Variants in LAMA2 observed in about 807,000 individuals in gnomAD.
LAMA2 encodes laminin subunit alpha 2, also known as laminin subunit alpha-2.
A neutral mutation model predicts 364.8 loss-of-function variants in LAMA2; 269 were observed. The ratio of observed to expected loss-of-function variants is 0.74; its 90% CI spans 0.67 to 0.82. The LOEUF (loss-of-function observed/expected upper bound fraction) is 0.82. Ranked by LOEUF, LAMA2 falls within the 40% of genes least tolerant of loss-of-function variation. The pLI is 0.00. For synonymous variants in LAMA2, 1,379 were observed against 1,370.6 expected (o/e 1.01, Z -0.14); for missense variants, 3,807 against 3,873.2 (o/e 0.98, Z 0.45).
intron 29 of LAMA2, among the ~76,000 whole-genome samples, chr6:129,338,930 A>T (rs1229799911): frequency 1.4e-5 from 2 of 141,760 alleles, no homozygotes; most frequent in African/African-American, 2.6e-5. Flanking sequence ...AGCAGTGGCT[A>T]CAGCTACATA....
At chr6:129,148,253 A>G (rs928251128) in intron 6 of LAMA2, among the ~76,000 whole-genome samples, 2 of 152,142 alleles carry the variant, frequency 1.3e-5, no homozygotes, top group African/African-American at 4.8e-5. Context: ...TAACACAGGA[A>G]CAGAAAACCA....
chr6:128,978,478 G>A (rs143205522), intron 1 of LAMA2, among the ~76,000 whole-genome samples: 45 of 151,526 alleles, frequency 3.0e-4, no homozygotes, highest in African/African-American at 1.0e-3. Flanking sequence ...CCACCAAGCT[G>A]GGCTAATTTT....
At chr6:129,286,041 C>T (rs1789089113) in intron 18 of LAMA2, among the ~76,000 whole-genome samples, 1 of 151,976 alleles carries the variant, frequency 6.6e-6, no homozygotes, top group Non-Finnish European at 1.5e-5. Context: ...ATGGCTCTGC[C>T]CCAGAATTGG....
At position 129,464,431 on chromosome 6, in the gene LAMA2, G is replaced by A. The variant is rs2114808490; in HGVS notation, c.7134G>A (p.Met2378Ile). Residue 2378 changes from methionine (M) to isoleucine (I), a missense_variant, in exon 50 of 65, where the codon ATG becomes ATA. Around this residue, in one of 3 missense-constraint regions of LAMA2, gnomAD observed 3,333 missense variants for 3,345.7 expected, o/e 1.00. Coordinates refer to ENST00000421865, the MANE Select transcript of LAMA2 (RefSeq NM_000426.4). ...FRTFSSSALL[M>I]YLATRDLRDF... is the part of the protein sequence containing the mutation. ...CATTTTCTTCGAGTGCTCTTCTGATGTATCTTGCCACACGAGACCTGGTAA... is the reference window on the plus strand; with the variant it reads ...CATTTTCTTCGAGTGCTCTTCTGATATATCTTGCCACACGAGACCTGGTAA... The A allele has an allele frequency of 1.2e-6, 2 of 1,612,120 alleles. No homozygotes were observed. The highest frequency in any genetic ancestry group is 1.7e-6 in the Non-Finnish European group (2 of 1,178,584).
At chr6:129,165,901 T>C (rs184554653) in intron 9 of LAMA2, among the ~76,000 whole-genome samples, 318 of 152,188 alleles carry the variant, frequency 2.1e-3, no homozygotes, top group Non-Finnish European at 3.7e-3. Flanking sequence ...AGTTGAATTA[T>C]GTATTTTGAG....
chr6:128,883,793 T>TAC (rs1412752568), intron 1 of LAMA2, among the ~76,000 whole-genome samples: 14 of 125,768 alleles, frequency 1.1e-4, no homozygotes, highest in African/African-American at 4.3e-4. Flanking sequence ...AAATTATATA[T>TAC]ATATATATAC....
chr6:129,173,205 A>T (rs1780334555), intron 9 of LAMA2, among the ~76,000 whole-genome samples: 1 of 152,148 alleles, frequency 6.6e-6, no homozygotes, highest in Non-Finnish European at 1.5e-5. Context: ...TCCCCGATTC[A>T]GTTTTTTAGT....
intron 12 of LAMA2, among the ~76,000 whole-genome samples, chr6:129,195,152 A>G (rs1364803291): frequency 1.3e-5 from 2 of 152,192 alleles, no homozygotes; most frequent in East Asian, 3.8e-4. Flanking sequence ...AGCTTTTCCT[A>G]AATATTTATA....
At chr6:129,423,788 C>T (rs1781195362) in intron 40 of LAMA2, among the ~76,000 whole-genome samples, 1 of 151,936 alleles carries the variant, frequency 6.6e-6, no homozygotes, top group Admixed American at 6.6e-5. Context: ...AGAGATATAC[C>T]ATGTTCATAG....
At chr6:129,146,409 T>C (rs1034398345) in intron 5 of LAMA2, among the ~76,000 whole-genome samples, 2 of 152,138 alleles carry the variant, frequency 1.3e-5, no homozygotes, top group African/African-American at 4.8e-5. Flanking sequence ...CATAGTAATA[T>C]AAAAATGCAA....
intron 2 of LAMA2, among the ~76,000 whole-genome samples, chr6:129,058,281 C>T (rs932184810): frequency 6.6e-6 from 1 of 152,162 alleles, no homozygotes; most frequent in Non-Finnish European, 1.5e-5. Context: ...GGCTTGGCAG[C>T]CCAGGAGTAG....
chr6:129,180,801 C>A (rs1780880178), intron 10 of LAMA2, among the ~76,000 whole-genome samples: 2 of 152,058 alleles, frequency 1.3e-5, no homozygotes, highest in Non-Finnish European at 2.9e-5. Context: ...TAAGCATAAG[C>A]AAAAGCTCAA....
At chr6:129,158,711 G>A in intron 8 of LAMA2, 1 of 1,614,158 alleles carries the variant, frequency 6.2e-7, no homozygotes, top group Non-Finnish European at 8.5e-7. Flanking sequence ...CAGGGGGCAT[G>A]TGGGTTGCAA....
At chr6:128,939,120 G>GT (rs1371361487) in intron 1 of LAMA2, among the ~76,000 whole-genome samples, 5 of 151,980 alleles carry the variant, frequency 3.3e-5, no homozygotes, top group Admixed American at 3.3e-4. Context: ...AGGTTCACAC[G>GT]TTTATCACCT....
rs1778652432 is a variant in LAMA2, at chr6:129,149,174, T to C, written c.1027+78T>C. On this transcript the variant is annotated intron_variant, in intron 7 of 64. Transcript: ENST00000421865. ...AAGCCAGTAATGAAAAATAGTGAAA[T>C]GGCTGGTTATGCAAATGTGTCAACA... The C allele has an allele frequency of 5.8e-6, 5 of 867,084 alleles. No homozygotes were observed. The East Asian group carries it at 7.2e-5, about 13-fold the overall frequency. 53.7% of individuals were successfully genotyped at this position (867,084 alleles called of 1,614,324 possible). A position where few individuals can be genotyped will look rare whatever the true frequency, so the allele number is the denominator to read the frequency against.
chr6:129,478,652 C>T (rs200911794), intron 53 of LAMA2, 41 bp from the exon 54 acceptor site: 9 of 1,608,836 alleles, frequency 5.6e-6, no homozygotes, highest in Non-Finnish European at 7.7e-6. Flanking sequence ...TACCATCACC[C>T]TAATGATATT....
intron 40 of LAMA2, among the ~76,000 whole-genome samples, chr6:129,424,097 A>C (rs888429694): frequency 6.6e-6 from 1 of 152,058 alleles, no homozygotes; most frequent in Admixed American, 6.6e-5. Flanking sequence ...CAAATGATTT[A>C]TGACAAAAAT....
chr6:129,318,575 T>G (rs368142462), intron 27 of LAMA2, among the ~76,000 whole-genome samples: 1 of 152,128 alleles, frequency 6.6e-6, no homozygotes, highest in Non-Finnish European at 1.5e-5. Flanking sequence ...GAGATGCCAA[T>G]GCAAAGTTAC....
intron 40 of LAMA2, among the ~76,000 whole-genome samples, chr6:129,407,540 C>T (rs1247173057): frequency 1.3e-5 from 2 of 152,198 alleles, no homozygotes; most frequent in Admixed American, 6.5e-5. Flanking sequence ...TATACATGCA[C>T]AAACATATTC....
Sources: allele counts gnomAD v4.1 joint callset (sites outside exome capture counted in the v4.1 genomes callset), GRCh38; gene constraint gnomAD v4.1.1; regional missense constraint gnomAD v4.1.1; transcripts MANE v1.5; gene names NCBI Gene and HGNC (gene_info 2026-07-23, HGNC 2026-07-21).